The following C9orf50 variants were observed in gnomAD, a reference collection of about 807,000 sequenced individuals.
C9orf50 encodes the protein uncharacterized protein C9orf50.
A neutral mutation model predicts 42.5 loss-of-function variants in C9orf50; 33 were observed. The ratio of observed to expected loss-of-function variants is 0.78; its 90% CI spans 0.59 to 1.04. C9orf50 has a LOEUF of 1.04. Ranked by LOEUF, C9orf50 falls within the 50% of genes least tolerant of loss-of-function variation. The pLI, the probability that C9orf50 is intolerant of heterozygous loss-of-function variation, is 0.00. For missense variants in C9orf50, 547 were observed against 594.3 expected (o/e 0.92, Z 0.83); for synonymous variants, 257 against 273.4 (o/e 0.94, Z 0.59).
rs1467163267 is a variant in C9orf50 at position 129,613,769 on chromosome 9, A to G, written c.881-172T>C. ...CAGAGAAGCCTTGGGTTTTAAAACC[A>G]CCTTGCGTGACCATTTCTGTTATAC... On this transcript the variant is annotated intron_variant, in intron 4 of 6. Coordinates refer to ENST00000372478, the Ensembl canonical transcript of C9orf50. This position sits in a 1 kb window ranked among gnomAD's most constrained non-coding sequence, Gnocchi z 6.2. Among the ~76,000 whole-genome samples the G allele has an allele frequency of 1.3e-5, 2 of 152,044 alleles. No homozygotes were observed. Among genetic ancestry groups the G allele is most frequent in the East Asian group, 3.9e-4 (2 of 5,172 alleles).
rs1410137731 is a variant in C9orf50, at chr9:129,620,197, G to A, written c.378C>T (p.Arg126=). ...CCTCCCTGGCCACGCGCCTCCGGGGGCGCTCGCGCTCTCCAGGCCCTGGCT... is the reference window on the plus strand; with the variant it reads ...CCTCCCTGGCCACGCGCCTCCGGGGACGCTCGCGCTCTCCAGGCCCTGGCT... The change falls in exon 1 of 7, where the codon CGC becomes CGT. Residue 126 remains arginine, a synonymous_variant. Transcript: ENST00000372478. This position sits in a 1 kb window ranked among gnomAD's most constrained non-coding sequence, Gnocchi z 5.8. The A allele has an allele frequency of 2.8e-6, 4 of 1,448,570 alleles. No individual in the cohort carries two copies. Among genetic ancestry groups the A allele is most frequent in the South Asian group, 2.9e-5 (2 of 68,964 alleles). The allele number at this position is 1,448,570 out of a possible 1,614,324, so 89.7% of individuals were successfully genotyped here. A position where few individuals can be genotyped will look rare whatever the true frequency, so the allele number is the denominator to read the frequency against.
chr9:129,612,548 C>G (rs1830142854), intron 6 of C9orf50, 94 bp from the exon 7 acceptor site: 1 of 923,256 alleles, frequency 1.1e-6, no homozygotes, highest in Non-Finnish European at 1.7e-6. Context: ...CCCTGTTGGG[C>G]AGGTAGTGCT....
Position 129,615,662 on chromosome 9 carries a change from A to G in C9orf50, c.717-15T>C. 6.6e-7 allele frequency: 1 copy of G among 1,525,372 alleles called. No homozygotes were observed. Among genetic ancestry groups the G allele is most frequent in the South Asian group, 1.2e-5 (1 of 80,578 alleles). 94.5% of individuals were successfully genotyped at this position (1,525,372 alleles called of 1,614,324 possible). ...CGTGGGGCCTGCTGAGAGAGGGGAG[A>G]GGGGCCTGTGCTCGAAGCCCCCCAC... On this transcript the variant is annotated splice_polypyrimidine_tract_variant and intron_variant, in intron 3 of 6. Coordinates refer to ENST00000372478, the Ensembl canonical transcript of C9orf50.
rs763807224 is a variant in C9orf50, at chr9:129,620,514, CG to C, written c.60del (p.Asp21ThrfsTer15). ...TCGCTGCTGCGTCGGAAGTCTCCGT[CG>C]CCAGGGAGCCCCTTGGGCGCCAGGT... is the stretch of plus-strand genomic sequence containing the variant. On this transcript the variant is annotated frameshift_variant, in exon 1 of 7. Coordinates refer to ENST00000372478, the Ensembl canonical transcript of C9orf50. LOFTEE classifies it high-confidence loss of function. The surrounding 1 kb of genome is among the most constrained non-coding windows in gnomAD (Gnocchi z 5.8). 6.9e-7 allele frequency: 1 copy of C among 1,441,024 alleles called. No individual in the cohort carries two copies. Among genetic ancestry groups the C allele is most frequent in the Non-Finnish European group, 9.1e-7 (1 of 1,095,118 alleles). The allele number at this position is 1,441,024 out of a possible 1,614,324, so 89.3% of individuals were successfully genotyped here.
chr9:129,613,627 TGCCCAGGAGGAGG>T lies in C9orf50; in HGVS notation c.881-43_881-31del. The T allele has an allele frequency of 6.2e-7, 1 of 1,613,284 alleles. No individual in the cohort carries two copies. Among genetic ancestry groups the T allele is most frequent in the East Asian group, 2.2e-5 (1 of 44,872 alleles). ...AGGAAAGAGGGCAGGGTGAGATCTC[TGCCCAGGAGGAGG>T]GCACTGGTGCCCCCACCCTCTTTTC... On this transcript the variant is annotated intron_variant, in intron 4 of 6. Transcript: ENST00000372478. This position sits in a 1 kb window ranked among gnomAD's most constrained non-coding sequence, Gnocchi z 6.2.
rs1830252212 is a variant in C9orf50, at chr9:129,614,466, G to A, written c.881-869C>T. Among the ~76,000 whole-genome samples the A allele has an allele frequency of 6.6e-6, 1 of 152,226 alleles. No homozygotes were observed. Among genetic ancestry groups the A allele is most frequent in the South Asian group, 2.1e-4 (1 of 4,836 alleles). ...ATAGTGGGTGCTCAATAAACAGCTA[G>A]AGGACATTGACTGTTGGGGACCCTG... On this transcript the variant is annotated intron_variant, in intron 4 of 6. Coordinates refer to ENST00000372478, the Ensembl canonical transcript of C9orf50. The surrounding 1 kb of genome is among the most constrained non-coding windows in gnomAD (Gnocchi z 4.4).
chr9:129,613,486 C>T lies in C9orf50; in HGVS notation c.992G>A (p.Gly331Glu). 6.2e-7 allele frequency: 1 copy of T among 1,614,170 alleles called. No homozygotes were observed. Among genetic ancestry groups the T allele is most frequent in the South Asian group, 1.1e-5 (1 of 91,088 alleles). Residue 331 changes from glycine (G) to glutamate (E), a missense_variant, in exon 5 of 7, where the codon GGG (glycine) becomes GAG (glutamate). By Grantham distance (98) the Gly-to-Glu change is moderately conservative. This residue lies in a region of C9orf50 where 334 missense variants were observed against 323.7 expected (regional missense o/e 1.03). Transcript: ENST00000372478. The surrounding 1 kb of genome is among the most constrained non-coding windows in gnomAD (Gnocchi z 6.2). Reference sequence around the variant, plus strand: ...GCTGGCCAGGGTCTCCTCCTTGGCCCCAGGGTACAGGGCTTTGGGCAAACT... The same window carrying T: ...GCTGGCCAGGGTCTCCTCCTTGGCCTCAGGGTACAGGGCTTTGGGCAAACT...
chr9:129,615,336 G>T, intron 4 of C9orf50, 148 bp downstream of exon 4: 1 of 851,438 alleles, frequency 1.2e-6, no homozygotes, highest in Non-Finnish European at 1.7e-6. Context: ...CTCCAAGGAG[G>T]CCAGTTCAGG....
chr9:129,615,390 C>T, intron 4 of C9orf50, 94 bp downstream of exon 4: 1 of 1,329,674 alleles, frequency 7.5e-7, no homozygotes, highest in Non-Finnish European at 1.0e-6. Context: ...TTTGCAAAGC[C>T]AGTCCCTCAC....
chr9:129,614,859 G>A lies in C9orf50; in HGVS notation c.880+625C>T, dbSNP rs1211733293. 1.3e-5 allele frequency among the ~76,000 whole-genome samples: 2 copies of A among 151,946 alleles called. No individual in the cohort carries two copies. Among genetic ancestry groups the A allele is most frequent in the African/African-American group, 4.8e-5 (2 of 41,336 alleles). ...GGAGCTTGCAGCGAGCCGAGATCGC[G>A]CCACTGCACTCCAGCCTGGGCGACA... is the stretch of plus-strand genomic sequence containing the variant. On this transcript the variant is annotated intron_variant, in intron 4 of 6. Transcript: ENST00000372478. The surrounding 1 kb of genome is among the most constrained non-coding windows in gnomAD (Gnocchi z 4.4).
chr9:129,619,129 G>C (rs751165697), intron 3 of C9orf50, among the ~76,000 whole-genome samples: 23 of 152,200 alleles, frequency 1.5e-4, no homozygotes, highest in Non-Finnish European at 2.5e-4. Flanking sequence ...GATGGATGGA[G>C]TCATGGGTCC....
intron 3 of C9orf50, 80 bp downstream of exon 3, chr9:129,619,440 C>G: frequency 9.9e-7 from 1 of 1,006,602 alleles, no homozygotes; most frequent in East Asian, 2.4e-5. Flanking sequence ...TGAATACATT[C>G]ATGGGCGAAA....
intron 3 of C9orf50, 121 bp downstream of exon 3, chr9:129,619,399 G>C (rs1830557847): frequency 1.3e-6 from 1 of 742,508 alleles, no homozygotes; most frequent in Non-Finnish European, 2.3e-6. Flanking sequence ...CCATATGTAA[G>C]GATGGATGAA....
chr9:129,617,899 G>T (rs1234332855), intron 3 of C9orf50, among the ~76,000 whole-genome samples: 1 of 152,120 alleles, frequency 6.6e-6, no homozygotes, highest in Non-Finnish European at 1.5e-5. Flanking sequence ...ACCAAGGCTG[G>T]TCTCAAACTC....
At chr9:129,616,946 C>T (rs1462189314) in intron 3 of C9orf50, among the ~76,000 whole-genome samples, 7 of 152,172 alleles carry the variant, frequency 4.6e-5, no homozygotes, top group South Asian at 2.1e-4. Flanking sequence ...CGGTGGCGTG[C>T]GCCTGTAGTT....
At position 129,614,221 on chromosome 9, in the gene C9orf50, A is replaced by G. The variant is rs546724520; in HGVS notation, c.881-624T>C. ...GGGGCCCGGGGTCACTCTGGCTTCT[A>G]TATGTGGCTCTGCGTCACCCACACA... On this transcript the variant is annotated intron_variant, in intron 4 of 6. Transcript: ENST00000372478. The surrounding 1 kb of genome is among the most constrained non-coding windows in gnomAD (Gnocchi z 4.4). 6.6e-6 allele frequency among the ~76,000 whole-genome samples: 1 copy of G among 152,254 alleles called. No individual in the cohort carries two copies. Among genetic ancestry groups the G allele is most frequent in the South Asian group, 2.1e-4 (1 of 4,824 alleles).
chr9:129,613,035 G>T lies in C9orf50; in HGVS notation c.1188+72C>A. The stretch of plus-strand genomic sequence containing the variant: ...CAGCCCCAGCCACTCCACCAAACAG[G>T]GCTGCTCCCGGAGCCAGCTGCCAGC... On this transcript the variant is annotated intron_variant, in intron 6 of 6. Coordinates refer to ENST00000372478, the Ensembl canonical transcript of C9orf50. The surrounding 1 kb of genome is among the most constrained non-coding windows in gnomAD (Gnocchi z 6.2). The T allele has an allele frequency of 2.5e-6, 4 of 1,589,014 alleles. No homozygotes were observed. The highest frequency in any genetic ancestry group is 3.4e-6 in the Non-Finnish European group (4 of 1,168,974).
chr9:129,619,932 C>G, intron 1 of C9orf50, 102 bp from the exon 2 acceptor site: 1 of 1,502,212 alleles, frequency 6.7e-7, no homozygotes, highest in Non-Finnish European at 9.2e-7. Context: ...GGACGGGTTG[C>G]GAGGGCTCTG....
chr9:129,617,427 C>G (rs1395727580), intron 3 of C9orf50, among the ~76,000 whole-genome samples: 2 of 152,206 alleles, frequency 1.3e-5, no homozygotes, highest in Non-Finnish European at 2.9e-5. Context: ...CATCTTCACT[C>G]GAGGGCCACT....
Sources: allele counts gnomAD v4.1 joint callset (sites outside exome capture counted in the v4.1 genomes callset), GRCh38; gene constraint gnomAD v4.1.1; regional missense constraint gnomAD v4.1.1; non-coding constraint Gnocchi (gnomAD v3.1); transcripts MANE v1.5; gene names NCBI Gene and HGNC (gene_info 2026-07-23, HGNC 2026-07-21).